The following CCNYL1 variants were observed in gnomAD, a reference collection of about 807,000 sequenced individuals.
CCNYL1 encodes cyclin Y like 1.
A neutral mutation model predicts 44.2 loss-of-function variants in CCNYL1; 16 were observed. That is an observed-to-expected ratio of 0.36 (90% CI 0.25 to 0.55). CCNYL1 has a LOEUF of 0.55. Among genes scored for constraint, CCNYL1 ranks in the 20% least tolerant of loss-of-function variants. CCNYL1 has a pLI of 0.85. For missense variants in CCNYL1, 348 were observed against 451.8 expected (o/e 0.77, Z 2.08); for synonymous variants, 159 against 163.2 (o/e 0.97, Z 0.20).
At chr2:207,732,283 A>G (rs944192120) in intron 3 of CCNYL1, among the ~76,000 whole-genome samples, 2 of 152,246 alleles carry the variant, frequency 1.3e-5, no homozygotes, top group African/African-American at 4.8e-5. Flanking sequence ...AGTTGAAAAC[A>G]TTTCTAGGTT....
At chr2:207,726,649 G>T (rs1181504748) in intron 2 of CCNYL1, among the ~76,000 whole-genome samples, 193 bp from the exon 3 acceptor site, 1 of 152,150 alleles carries the variant, frequency 6.6e-6, no homozygotes, top group Non-Finnish European at 1.5e-5. Flanking sequence ...AGTTCAAAAA[G>T]TAAAACTAAG....
At chr2:207,735,747 A>G (rs1007527343) in intron 4 of CCNYL1, among the ~76,000 whole-genome samples, 5 of 152,000 alleles carry the variant, frequency 3.3e-5, no homozygotes, top group Non-Finnish European at 5.9e-5. Flanking sequence ...TGCACCTGTA[A>G]TCCCAGCTAC....
At chr2:207,715,123 C>A (rs2091583371) in intron 1 of CCNYL1, among the ~76,000 whole-genome samples, 1 of 151,976 alleles carries the variant, frequency 6.6e-6, no homozygotes, top group African/African-American at 2.4e-5. Flanking sequence ...CAAAAATTAG[C>A]TGGGTGTGGT....
At chr2:207,712,190 G>A in intron 1 of CCNYL1, 74 bp downstream of exon 1, 1 of 1,303,138 alleles carries the variant, frequency 7.7e-7, no homozygotes, top group Non-Finnish European at 1.0e-6. Flanking sequence ...CCCCCGGGAG[G>A]CATCCGCCGC....
chr2:207,745,298 AG>A lies in CCNYL1; in HGVS notation c.640-1745del, dbSNP rs1435964345. Among the ~76,000 whole-genome samples, 3 of 152,304 alleles carry A rather than the reference AG, an allele frequency of 2.0e-5. No homozygotes were observed. In the East Asian group the frequency reaches 5.8e-4, roughly 29 times the overall value. On this transcript the variant is annotated intron_variant, in intron 7 of 9. Coordinates refer to ENST00000295414, the MANE Select transcript of CCNYL1 (RefSeq NM_001330218.2). ...GGGGACAGTGTTCTGCACAAGTGGGAGGGGATCAACTGCACTGATGGAGTTG... is the reference window on the plus strand; with the variant it reads ...GGGGACAGTGTTCTGCACAAGTGGGAGGGATCAACTGCACTGATGGAGTTG...
intron 7 of CCNYL1, among the ~76,000 whole-genome samples, chr2:207,744,590 G>C (rs959487557): frequency 7.4e-5 from 11 of 148,948 alleles, no homozygotes; most frequent in Non-Finnish European, 1.3e-4. Flanking sequence ...GGCTAGTCTT[G>C]AACTCCCGAC....
At position 207,755,056 on chromosome 2, in the gene CCNYL1, C is replaced by T. The variant is rs553692820; in HGVS notation, c.*1358C>T. 6.6e-6 allele frequency: 1 copy of T among 151,682 alleles called. No homozygotes were observed. Among genetic ancestry groups the T allele is most frequent in the Non-Finnish European group, 1.5e-5 (1 of 67,950 alleles). The allele number at this position is 151,682 out of a possible 1,614,324, so 9.4% of individuals were successfully genotyped here. ...CAACCTGGACAACGTTATCAAGACC[C>T]CATCTCTTAGAAAAATGCAAAATTA... On this transcript the variant is annotated 3_prime_UTR_variant, in exon 10 of 10. Coordinates refer to ENST00000295414, the MANE Select transcript of CCNYL1 (RefSeq NM_001330218.2).
intron 7 of CCNYL1, among the ~76,000 whole-genome samples, chr2:207,744,227 T>TG (rs758899211): frequency 0.016 from 2,276 of 146,670 alleles, 24 homozygotes; most frequent in Non-Finnish European, 0.025. Flanking sequence ...ACAGGAACAT[T>TG]TTGTGTGTGT....
chr2:207,754,409 A>G lies in CCNYL1; in HGVS notation c.*711A>G, dbSNP rs2091916407. ...ATGTTGCATTTCTTGTGAACTATAAATGGTGCTTCTCATTTTCTGATAATT... is the reference window on the plus strand; with the variant it reads ...ATGTTGCATTTCTTGTGAACTATAAGTGGTGCTTCTCATTTTCTGATAATT... On this transcript the variant is annotated 3_prime_UTR_variant, in exon 10 of 10. Coordinates refer to ENST00000295414, the MANE Select transcript of CCNYL1 (RefSeq NM_001330218.2). 1 of 152,648 alleles carries G rather than the reference A, an allele frequency of 6.6e-6. No homozygotes were observed. The highest frequency in any genetic ancestry group is 1.5e-5 in the Non-Finnish European group (1 of 68,040). 9.5% of individuals were successfully genotyped at this position (152,648 alleles called of 1,614,324 possible). A position where few individuals can be genotyped will look rare whatever the true frequency, so the allele number is the denominator to read the frequency against.
intron 4 of CCNYL1, among the ~76,000 whole-genome samples, chr2:207,735,625 G>A (rs2091759068): frequency 6.6e-6 from 1 of 152,142 alleles, no homozygotes; most frequent in South Asian, 2.1e-4. Context: ...TAGCACTTTG[G>A]GAGGCCAAGG....
chr2:207,712,885 G>A (rs1285538024), intron 1 of CCNYL1, among the ~76,000 whole-genome samples: 1 of 152,160 alleles, frequency 6.6e-6, no homozygotes, highest in Non-Finnish European at 1.5e-5. Flanking sequence ...GCGCGATCTC[G>A]GCTCGCTGCA....
chr2:207,713,013 AC>A, intron 1 of CCNYL1, among the ~76,000 whole-genome samples: 1 of 152,070 alleles, frequency 6.6e-6, no homozygotes, highest in South Asian at 2.1e-4. Context: ...ACGGGGTTTC[AC>A]CATGTTGGTC....
chr2:207,725,287 C>T (rs371697069), intron 2 of CCNYL1, among the ~76,000 whole-genome samples: 19 of 151,984 alleles, frequency 1.3e-4, no homozygotes, highest in African/African-American at 3.6e-4. Flanking sequence ...CCACCATGTC[C>T]GGCTAATTTT....
chr2:207,735,482 A>G (rs1369667719), intron 4 of CCNYL1, among the ~76,000 whole-genome samples: 1 of 152,208 alleles, frequency 6.6e-6, no homozygotes, highest in Non-Finnish European at 1.5e-5. Context: ...TTACACAGAC[A>G]AGCACATCCC....
chr2:207,737,600 G>T (rs1188111175), intron 5 of CCNYL1, among the ~76,000 whole-genome samples, 154 bp downstream of exon 5: 2 of 151,660 alleles, frequency 1.3e-5, no homozygotes, highest in Admixed American at 1.3e-4. Flanking sequence ...CCCCAAGATG[G>T]TTTCAATTAT....
intron 1 of CCNYL1, among the ~76,000 whole-genome samples, chr2:207,715,687 T>A (rs930579018): frequency 2.7e-5 from 4 of 145,550 alleles, no homozygotes; most frequent in African/African-American, 1.0e-4. Context: ...GCCTTTTTTT[T>A]TTTTTTGAGA....
Position 207,718,327 on chromosome 2 carries a change from C to T in CCNYL1, c.220+6211C>T, listed in dbSNP as rs368243698. 1.3e-4 allele frequency among the ~76,000 whole-genome samples: 20 copies of T among 152,116 alleles called. 1 individual carries two copies. The East Asian group carries it at 2.7e-3, about 21-fold the overall frequency. ...AGTGGGCTGGGACTAGCCTGGACAA[C>T]GTGCTGAGACCCTGCCTCTACAAAA... On this transcript the variant is annotated intron_variant, in intron 1 of 9. Coordinates refer to ENST00000295414, the MANE Select transcript of CCNYL1 (RefSeq NM_001330218.2).
chr2:207,738,999 C>T (rs1210293897), intron 5 of CCNYL1, among the ~76,000 whole-genome samples: 4 of 152,058 alleles, frequency 2.6e-5, no homozygotes, highest in Non-Finnish European at 4.4e-5. Context: ...GGATTACAGG[C>T]GTGAGCCACC....
chr2:207,739,389 T>A (rs1302185605), intron 5 of CCNYL1, among the ~76,000 whole-genome samples: 1 of 152,120 alleles, frequency 6.6e-6, no homozygotes, highest in Non-Finnish European at 1.5e-5. Flanking sequence ...CCTGTCACCA[T>A]GCCTGGCTAA....
Sources: gnomAD v4.1 joint callset for allele counts (sites outside exome capture counted in the v4.1 genomes callset) on GRCh38, gnomAD v4.1.1 for gene constraint, MANE v1.5 for transcripts, NCBI Gene and HGNC (gene_info 2026-07-23, HGNC 2026-07-21) for gene names.